Variants in RARB observed in about 807,000 individuals in gnomAD.
RARB encodes HBV-activated protein.
Under a neutral mutation model 51.9 loss-of-function variants are expected in RARB, and 17 were observed. That is an observed-to-expected ratio of 0.33 (90% CI 0.22 to 0.49). The LOEUF (loss-of-function observed/expected upper bound fraction) is 0.49, where lower values mean the gene tolerates loss of function less well. Ranked by LOEUF, RARB falls within the 20% of genes least tolerant of loss-of-function variation. The probability of loss-of-function intolerance (pLI) is 0.99; values close to 1 mark genes in which losing one functional copy is unlikely to be tolerated. For synonymous variants in RARB, 215 were observed against 195.4 expected (o/e 1.10, Z -0.84); for missense variants, 369 against 550.8 (o/e 0.67, Z 3.30).
intron 2 of RARB, among the ~76,000 whole-genome samples, chr3:24,973,290 T>A (rs913616742): frequency 1.3e-5 from 2 of 152,092 alleles, no homozygotes; most frequent in Non-Finnish European, 2.9e-5. Flanking sequence ...GCTGTAAAAG[T>A]GTAGATTTAT....
chr3:25,250,105 G>T (rs1702674431), intron 5 of RARB, among the ~76,000 whole-genome samples: 1 of 152,164 alleles, frequency 6.6e-6, no homozygotes, highest in South Asian at 2.1e-4. Context: ...GGCTGTGACA[G>T]GATGAACAGA....
chr3:24,943,335 A>G (rs1695708885), intron 2 of RARB, among the ~76,000 whole-genome samples: 1 of 152,116 alleles, frequency 6.6e-6, no homozygotes, highest in Non-Finnish European at 1.5e-5. Context: ...TTTGGGGGTA[A>G]ATTTCCATTG....
intron 2 of RARB, among the ~76,000 whole-genome samples, chr3:24,881,995 G>A (rs559718195): frequency 4.7e-4 from 72 of 152,240 alleles, no homozygotes; most frequent in Middle Eastern, 6.8e-3. Flanking sequence ...ACATGACTCA[G>A]CTATAGATTA....
intron 2 of RARB, among the ~76,000 whole-genome samples, chr3:24,996,471 G>T (rs1575111050): frequency 6.6e-6 from 1 of 151,792 alleles, no homozygotes; most frequent in Non-Finnish European, 1.5e-5. Context: ...CTTCTGTTCT[G>T]ATTTTACTAT....
intron 5 of RARB, among the ~76,000 whole-genome samples, chr3:25,360,801 T>C (rs746485920): frequency 1.3e-5 from 2 of 152,178 alleles, no homozygotes; most frequent in Middle Eastern, 3.2e-3. Context: ...GGTTGAATAT[T>C]GGCCCCTACT....
chr3:24,958,716 A>C (rs921227743), intron 2 of RARB, among the ~76,000 whole-genome samples: 2 of 152,212 alleles, frequency 1.3e-5, no homozygotes, highest in African/African-American at 4.8e-5. Context: ...GTAAAATTTT[A>C]GATTTGTTAA....
chr3:25,293,597 T>TAAAAAAAAAAAGAAAAA (rs1703841441), intron 5 of RARB, among the ~76,000 whole-genome samples: 1 of 68,660 alleles, frequency 1.5e-5, no homozygotes, highest in Non-Finnish European at 3.1e-5. Flanking sequence ...TTACTCCATT[T>TAAAAAAAAAAAGAAAAA]AAAAAAAAAA....
At chr3:25,498,382 A>G (rs1431549936) in intron 2 of RARB, among the ~76,000 whole-genome samples, 1 of 152,194 alleles carries the variant, frequency 6.6e-6, no homozygotes, top group Non-Finnish European at 1.5e-5. Flanking sequence ...GCAAACCTCT[A>G]TTCGGCTTGG....
intron 2 of RARB, among the ~76,000 whole-genome samples, chr3:24,889,611 A>G (rs372125876): frequency 7.9e-5 from 12 of 151,374 alleles, no homozygotes; most frequent in African/African-American, 2.9e-4. Flanking sequence ...TTTAATTTCT[A>G]TTATTTGAGT....
At chr3:25,315,348 C>G (rs571912323) in intron 5 of RARB, among the ~76,000 whole-genome samples, 1 of 152,106 alleles carries the variant, frequency 6.6e-6, no homozygotes. Context: ...AGAAAGCACT[C>G]GTAACTATTT....
chr3:25,175,998 C>T (rs1700736319), intron 5 of RARB, among the ~76,000 whole-genome samples: 1 of 152,180 alleles, frequency 6.6e-6, no homozygotes, highest in Non-Finnish European at 1.5e-5. Context: ...TTTTAGCTAA[C>T]AAATGAGGAG....
chr3:24,961,990 C>T (rs868505864), intron 2 of RARB, among the ~76,000 whole-genome samples: 12 of 120,126 alleles, frequency 1.0e-4, no homozygotes, highest in Admixed American at 3.6e-4. Context: ...AGTGCAATGG[C>T]GCTATCATGG....
At chr3:24,979,038 C>A (rs192954067) in intron 2 of RARB, among the ~76,000 whole-genome samples, 27 of 152,228 alleles carry the variant, frequency 1.8e-4, no homozygotes, top group African/African-American at 5.3e-4. Context: ...GCAGGTTGTT[C>A]AGTTTCTATG....
chr3:25,346,343 G>A (rs898872029), intron 5 of RARB, among the ~76,000 whole-genome samples: 17 of 152,216 alleles, frequency 1.1e-4, no homozygotes, highest in Admixed American at 1.1e-3. Flanking sequence ...ATAACCTTTA[G>A]GGTTATTGTA....
chr3:25,324,549 G>A (rs1222960031), intron 5 of RARB: 1 of 162,502 alleles, frequency 6.2e-6, no homozygotes, highest in East Asian at 1.9e-4. Context: ...GAAGCTGACG[G>A]GGATCAAGCA....
chr3:25,356,881 A>G (rs1046475093), intron 5 of RARB, among the ~76,000 whole-genome samples: 1 of 152,136 alleles, frequency 6.6e-6, no homozygotes. Context: ...TCCATGGTGT[A>G]TATGTGCCAC....
intron 5 of RARB, among the ~76,000 whole-genome samples, chr3:25,270,877 C>T (rs1279744829): frequency 2.6e-5 from 4 of 152,080 alleles, no homozygotes; most frequent in Non-Finnish European, 5.9e-5. Flanking sequence ...TGGCAAAAAC[C>T]GCAAATACTT....
chr3:25,528,156 C>T (rs753364470), intron 3 of RARB, among the ~76,000 whole-genome samples: 7 of 152,160 alleles, frequency 4.6e-5, no homozygotes, highest in Admixed American at 6.5e-5. Context: ...AGCCAAGCCT[C>T]GAGTGTTTGG....
At chr3:25,250,809 A>C (rs557450281) in intron 5 of RARB, among the ~76,000 whole-genome samples, 1 of 152,094 alleles carries the variant, frequency 6.6e-6, no homozygotes, top group Non-Finnish European at 1.5e-5. Flanking sequence ...TGTGATCTTC[A>C]GGCAGCTCCC....
Sources: allele counts gnomAD v4.1 joint callset (sites outside exome capture counted in the v4.1 genomes callset), GRCh38; gene constraint gnomAD v4.1.1; transcripts MANE v1.5; gene names NCBI Gene and HGNC (gene_info 2026-07-23, HGNC 2026-07-21).